The following ASTN1 variants were observed in gnomAD, a reference collection of about 807,000 sequenced individuals.
ASTN1 encodes astrotactin 1, also known as astrotactin-1.
In ASTN1, 41 loss-of-function variants were observed where a neutral mutation model predicts 140.7. That is an observed-to-expected ratio of 0.29 (90% CI 0.23 to 0.38). ASTN1 has a LOEUF of 0.38. ASTN1 is among the 10% of genes least tolerant of loss of function. The pLI is 1.00. For missense variants in ASTN1, 1,479 were observed against 1,678.8 expected (o/e 0.88, Z 2.08); for synonymous variants, 640 against 652.2 (o/e 0.98, Z 0.29).
At chr1:177,146,428 T>C (rs1682725450) in intron 1 of ASTN1, among the ~76,000 whole-genome samples, 1 of 152,202 alleles carries the variant, frequency 6.6e-6, no homozygotes, top group Admixed American at 6.5e-5. Context: ...ACTGAATATT[T>C]TGTACACTCT....
intron 1 of ASTN1, among the ~76,000 whole-genome samples, chr1:177,096,292 C>A (rs538261572): frequency 6.6e-6 from 1 of 152,184 alleles, no homozygotes; most frequent in African/African-American, 2.4e-5. Flanking sequence ...TGAGTTAATA[C>A]TTTGGGGGCT....
intron 19 of ASTN1, 123 bp downstream of exon 19, chr1:176,884,216 G>C (rs970019509): frequency 4.5e-6 from 5 of 1,104,720 alleles, no homozygotes; most frequent in Non-Finnish European, 6.4e-6. Context: ...TCTTCTCCCT[G>C]CTCCTCCTGC....
chr1:176,910,146 T>G (rs1263986647), intron 16 of ASTN1, among the ~76,000 whole-genome samples: 4 of 152,200 alleles, frequency 2.6e-5, no homozygotes, highest in Non-Finnish European at 5.9e-5. Context: ...CACTGCTATA[T>G]TTCCAAATTT....
intron 1 of ASTN1, among the ~76,000 whole-genome samples, chr1:177,065,594 G>A (rs1678314183): frequency 6.6e-6 from 1 of 152,174 alleles, no homozygotes; most frequent in Admixed American, 6.6e-5. Context: ...AGGCATTCCA[G>A]ATGAAGAGAA....
At chr1:176,864,599 ACTCT>A in intron 22 of ASTN1, 78 bp from the exon 23 acceptor site, 1 of 1,550,008 alleles carries the variant, frequency 6.5e-7, no homozygotes. Flanking sequence ...TTAGTGTGAG[ACTCT>A]AAACTTCAAG....
At chr1:177,080,613 G>A (rs1482449653) in intron 1 of ASTN1, among the ~76,000 whole-genome samples, 1 of 152,192 alleles carries the variant, frequency 6.6e-6, no homozygotes, top group African/African-American at 2.4e-5. Context: ...CAGGATTAGA[G>A]TTAGAGTTCA....
chr1:177,015,973 G>A (rs2101941758), intron 7 of ASTN1, among the ~76,000 whole-genome samples: 1 of 152,238 alleles, frequency 6.6e-6, no homozygotes, highest in South Asian at 2.1e-4. Flanking sequence ...TAACAAAGGT[G>A]CCATGCCCTA....
chr1:177,017,383 CTG>C (rs1675604811), intron 7 of ASTN1, among the ~76,000 whole-genome samples: 2 of 152,206 alleles, frequency 1.3e-5, no homozygotes, highest in Admixed American at 6.5e-5. Context: ...CATTCCTCGT[CTG>C]TATTCCTCCA....
intron 13 of ASTN1, among the ~76,000 whole-genome samples, chr1:176,945,243 A>G (rs577954808): frequency 1.5e-4 from 23 of 152,328 alleles, no homozygotes; most frequent in Non-Finnish European, 2.6e-4. Context: ...AAGTAGCTTT[A>G]TTATATTTAT....
chr1:176,990,158 T>C (rs1298717993), intron 8 of ASTN1, among the ~76,000 whole-genome samples: 1 of 133,376 alleles, frequency 7.5e-6, no homozygotes, highest in Non-Finnish European at 1.5e-5. Context: ...TGAGATGATC[T>C]GAACCAAGGA....
intron 1 of ASTN1, among the ~76,000 whole-genome samples, chr1:177,075,645 CTTTTTT>C (rs5778927): frequency 1.0e-5 from 1 of 99,548 alleles, no homozygotes; most frequent in Admixed American, 1.2e-4. Flanking sequence ...CTTTTCTTTT[CTTTTTT>C]TTTTTTTTTT....
rs768323600 is a variant in ASTN1 at position 176,944,029 on chromosome 1, G to A, written c.2250-11C>T. On this transcript the variant is annotated splice_polypyrimidine_tract_variant and intron_variant, in intron 13 of 22. Coordinates refer to ENST00000361833, the MANE Select transcript of ASTN1 (RefSeq NM_004319.3). ...GCAAAGTTGTTTTGCCTAGAAAGAG[G>A]GTAGACCTTCATTTCTGAGTGTTCA... The A allele has an allele frequency of 6.2e-7, 1 of 1,613,304 alleles. No individual in the cohort carries two copies. Among genetic ancestry groups the A allele is most frequent in the Admixed American group, 1.7e-5 (1 of 59,916 alleles).
chr1:177,152,903 A>C (rs1683099614), intron 1 of ASTN1, among the ~76,000 whole-genome samples: 1 of 152,188 alleles, frequency 6.6e-6, no homozygotes, highest in Non-Finnish European at 1.5e-5. Flanking sequence ...GAACAGAATA[A>C]AAGCTCAGAA....
chr1:177,124,933 G>A (rs567288623), intron 1 of ASTN1, among the ~76,000 whole-genome samples: 2 of 152,174 alleles, frequency 1.3e-5, no homozygotes, highest in Non-Finnish European at 2.9e-5. Context: ...CCTCTCACAC[G>A]CCAACCCATC....
At chr1:177,044,682 A>C (rs1233171926) in intron 2 of ASTN1, among the ~76,000 whole-genome samples, 1 of 152,210 alleles carries the variant, frequency 6.6e-6, no homozygotes, top group East Asian at 1.9e-4. Flanking sequence ...AGCCAGAGAC[A>C]TTGGAGTGAT....
At chr1:176,962,238 T>C (rs1313648795) in intron 9 of ASTN1, among the ~76,000 whole-genome samples, 1 of 152,214 alleles carries the variant, frequency 6.6e-6, no homozygotes, top group East Asian at 1.9e-4. Flanking sequence ...AAAGGACTTC[T>C]TGGACACTGG....
At chr1:176,969,001 T>A (rs1380121820) in intron 8 of ASTN1, among the ~76,000 whole-genome samples, 1 of 152,052 alleles carries the variant, frequency 6.6e-6, no homozygotes, top group Non-Finnish European at 1.5e-5. Flanking sequence ...AAGCCATAGA[T>A]GGCCATACAG....
At chr1:177,162,210 T>C (rs1647417786) in intron 1 of ASTN1, among the ~76,000 whole-genome samples, 1 of 152,182 alleles carries the variant, frequency 6.6e-6, no homozygotes, top group Non-Finnish European at 1.5e-5. Flanking sequence ...CTCCATAAAT[T>C]TGGACTCCTC....
intron 1 of ASTN1, among the ~76,000 whole-genome samples, chr1:177,141,397 T>C (rs1375740464): frequency 1.3e-5 from 2 of 152,098 alleles, no homozygotes; most frequent in African/African-American, 4.8e-5. Context: ...TCCAGTAAGG[T>C]AGCATGCTGG....
Sources: allele counts gnomAD v4.1 joint callset (sites outside exome capture counted in the v4.1 genomes callset), GRCh38; gene constraint gnomAD v4.1.1; transcripts MANE v1.5; gene names NCBI Gene and HGNC (gene_info 2026-07-23, HGNC 2026-07-21).